Variants in ALDH18A1 observed in about 807,000 individuals in gnomAD.
ALDH18A1 encodes aldehyde dehydrogenase 18 family member A1.
In ALDH18A1, 44 loss-of-function variants were observed where a neutral mutation model predicts 88.8. That is an observed-to-expected ratio of 0.50 (90% CI 0.39 to 0.64). ALDH18A1 has a LOEUF of 0.64. ALDH18A1 is among the 30% of genes least tolerant of loss of function. ALDH18A1 has a pLI of 0.00. For missense variants in ALDH18A1, 782 were observed against 1,009.5 expected (o/e 0.77, Z 3.05); for synonymous variants, 331 against 372.1 (o/e 0.89, Z 1.27).
At position 95,653,487 on chromosome 10, in the gene ALDH18A1, C is replaced by T. The variant is rs79842374; in HGVS notation, c.-28-82G>A. 5,020 of 1,207,130 alleles carry T rather than the reference C, an allele frequency of 4.2e-3. 13 individuals carry two copies. The highest frequency in any genetic ancestry group is 0.016 in the East Asian group (659 of 40,358). The allele number at this position is 1,207,130 out of a possible 1,614,324, so 74.8% of individuals were successfully genotyped here. ...ATTTCCCTCTACTTCCCCTTACCCT[C>T]GGAGTAAAAATCTGACTCTCCTGCT... On this transcript the variant is annotated intron_variant, in intron 1 of 17. Coordinates refer to ENST00000371224, the MANE Select transcript of ALDH18A1 (RefSeq NM_002860.4).
At chr10:95,648,059 G>C (rs963246967) in intron 2 of ALDH18A1, among the ~76,000 whole-genome samples, 2 of 152,270 alleles carry the variant, frequency 1.3e-5, no homozygotes. Context: ...AGGGTACTGT[G>C]GGAACCCCAA....
intron 15 of ALDH18A1, 110 bp downstream of exon 15, chr10:95,613,630 GAT>G: frequency 2.2e-6 from 3 of 1,388,268 alleles, no homozygotes; most frequent in Non-Finnish European, 3.0e-6. Context: ...GTACACAGAA[GAT>G]ATTAAAAAAT....
rs1322850705 is a variant in ALDH18A1 at position 95,628,718 on chromosome 10, G to A, written c.809-226C>T. ...CTATAACCTGGCTTAATAAATAAAT[G>A]TTTCCCAACATCAGATCATGGCCAT... On this transcript the variant is annotated intron_variant, in intron 7 of 17. Coordinates refer to ENST00000371224, the MANE Select transcript of ALDH18A1 (RefSeq NM_002860.4). 5 of 538,298 alleles carry A rather than the reference G, an allele frequency of 9.3e-6. No homozygotes were observed. In the East Asian group the frequency reaches 1.0e-4, roughly 11 times the overall value. The allele number at this position is 538,298 out of a possible 1,614,324, so 33.3% of individuals were successfully genotyped here. A position where few individuals can be genotyped will look rare whatever the true frequency, so the allele number is the denominator to read the frequency against.
intron 2 of ALDH18A1, among the ~76,000 whole-genome samples, chr10:95,646,134 C>T (rs1454973715): frequency 6.6e-6 from 1 of 152,084 alleles, no homozygotes; most frequent in Non-Finnish European, 1.5e-5. Flanking sequence ...TGGTAGCTGT[C>T]AGATCTAGGC....
In ALDH18A1 at chr10:95,613,800, C is replaced by T. The variant is rs774274057; in HGVS notation, c.1865G>A (p.Arg622Gln). 7.6e-5 allele frequency: 123 copies of T among 1,613,860 alleles called. No individual in the cohort carries two copies. The highest frequency in any genetic ancestry group is 9.8e-5 in the Non-Finnish European group (116 of 1,179,998). ...CNALETLLIH[R>Q]DLLRTPLFDQ... ...AAATAATGGTGTCCTGAGCAGATCC[C>T]GGTGGATTAACAAAGTCTCCAAAGC... The change falls in exon 15 of 18, where the codon CGG (arginine) becomes CAG (glutamine). Residue 622 changes from arginine (R) to glutamine (Q), a missense_variant. By Grantham distance (43) the Arg-to-Gln change is conservative (BLOSUM62 1). Around this residue, in one of 3 missense-constraint regions of ALDH18A1, gnomAD observed 556 missense variants for 654.5 expected, o/e 0.85. Coordinates refer to ENST00000371224, the MANE Select transcript of ALDH18A1 (RefSeq NM_002860.4).
intron 12 of ALDH18A1, chr10:95,616,821 G>A: frequency 7.4e-6 from 5 of 677,374 alleles, no homozygotes; most frequent in Non-Finnish European, 1.3e-5. Context: ...GCCCAGAGAG[G>A]CTGATGACTC....
intron 17 of ALDH18A1, among the ~76,000 whole-genome samples, chr10:95,609,089 G>C (rs1589473002): frequency 6.6e-6 from 1 of 152,136 alleles, no homozygotes; most frequent in African/African-American, 2.4e-5. Context: ...TGGTCACGCT[G>C]ATCTCCAACT....
chr10:95,652,377 C>T (rs182455582), intron 2 of ALDH18A1, among the ~76,000 whole-genome samples: 69 of 152,218 alleles, frequency 4.5e-4, no homozygotes, highest in African/African-American at 1.4e-3. Context: ...CTTAAAATTG[C>T]AAGTGAATTT....
At chr10:95,617,618 C>T (rs1431171922) in intron 12 of ALDH18A1, among the ~76,000 whole-genome samples, 2 of 152,332 alleles carry the variant, frequency 1.3e-5, no homozygotes, top group East Asian at 1.9e-4. Flanking sequence ...CCTGATCATC[C>T]TACCTCTTAC....
intron 3 of ALDH18A1, among the ~76,000 whole-genome samples, chr10:95,641,746 C>T (rs2097892059): frequency 6.6e-6 from 1 of 152,128 alleles, no homozygotes; most frequent in Admixed American, 6.5e-5. Flanking sequence ...TCAAGCAATC[C>T]TCCTACCTCA....
chr10:95,626,427 A>G (rs1242091936), intron 10 of ALDH18A1, among the ~76,000 whole-genome samples: 8 of 152,210 alleles, frequency 5.3e-5, no homozygotes, highest in Admixed American at 5.2e-4. Context: ...ATGTGGCAGA[A>G]TTAGGTAACC....
chr10:95,613,602 T>C (rs2097839485), intron 15 of ALDH18A1, 140 bp downstream of exon 15: 7 of 1,140,300 alleles, frequency 6.1e-6, no homozygotes, highest in South Asian at 3.9e-5. Context: ...ACTCACACTT[T>C]ACTTAGCATG....
chr10:95,620,729 G>T (rs879078027), intron 12 of ALDH18A1, among the ~76,000 whole-genome samples: 1 of 141,712 alleles, frequency 7.1e-6, no homozygotes, highest in Non-Finnish European at 1.5e-5. Context: ...TCGTAGGTGG[G>T]AACTGAACAA....
intron 1 of ALDH18A1, among the ~76,000 whole-genome samples, chr10:95,655,205 T>C (rs2097916080): frequency 6.6e-6 from 1 of 152,044 alleles, no homozygotes; most frequent in South Asian, 2.1e-4. Context: ...TAGTTACATA[T>C]GTAAGAGTTA....
intron 2 of ALDH18A1, among the ~76,000 whole-genome samples, chr10:95,647,290 G>A (rs930196330): frequency 8.5e-5 from 13 of 152,192 alleles, no homozygotes; most frequent in Non-Finnish European, 1.9e-4. Flanking sequence ...AAGGACAAGT[G>A]TTGGCTCTGG....
intron 1 of ALDH18A1, among the ~76,000 whole-genome samples, chr10:95,656,137 G>A (rs2097917673): frequency 6.6e-6 from 1 of 152,160 alleles, no homozygotes; most frequent in South Asian, 2.1e-4. Flanking sequence ...AGGGACCCAG[G>A]CCCCTGAGAG....
intron 3 of ALDH18A1, among the ~76,000 whole-genome samples, chr10:95,639,054 T>C (rs1187711137): frequency 6.6e-6 from 1 of 152,070 alleles, no homozygotes; most frequent in East Asian, 1.9e-4. Flanking sequence ...CCACTGTGCC[T>C]GGCCCCGACA....
chr10:95,625,601 T>A (rs1379071938), intron 10 of ALDH18A1, 146 bp from the exon 11 acceptor site: 2 of 689,326 alleles, frequency 2.9e-6, no homozygotes, highest in African/African-American at 1.8e-5. Flanking sequence ...TGACTTCCCA[T>A]CACTTATTCC....
chr10:95,656,174 G>C (rs904895299), intron 1 of ALDH18A1, among the ~76,000 whole-genome samples: 2 of 152,140 alleles, frequency 1.3e-5, no homozygotes, highest in African/African-American at 4.8e-5. Context: ...TAAAACCCGC[G>C]GCATCCCGGC....
Sources: allele counts gnomAD v4.1 joint callset (sites outside exome capture counted in the v4.1 genomes callset), GRCh38; gene constraint gnomAD v4.1.1; regional missense constraint gnomAD v4.1.1; transcripts MANE v1.5; gene names NCBI Gene and HGNC (gene_info 2026-07-23, HGNC 2026-07-21).